DHX36: variants seen among roughly 807,000 people sequenced by gnomAD.
DHX36 encodes the protein DEAH-box helicase 36, also known as ATP-dependent DNA/RNA helicase DHX36.
DHX36 carries 50 observed loss-of-function variants against 139.0 expected under a neutral mutation model. That is an observed-to-expected ratio of 0.36 (90% CI 0.29 to 0.46). The LOEUF (loss-of-function observed/expected upper bound fraction) is 0.46, where lower values mean the gene tolerates loss of function less well. Among genes scored for constraint, DHX36 ranks in the 20% least tolerant of loss-of-function variants. The pLI is 1.00. For synonymous variants in DHX36, 425 were observed against 401.9 expected, an observed-to-expected ratio of 1.06 and a Z score of -0.69; for missense variants, 1,024 against 1,211.3, an observed-to-expected ratio of 0.85 and a Z score of 2.29.
chr3:154,319,952 C>T (rs1713127917), intron 1 of DHX36, among the ~76,000 whole-genome samples: 1 of 152,180 alleles, frequency 6.6e-6, no homozygotes, highest in African/African-American at 2.4e-5. Context: ...AGCAAAACTA[C>T]TGGAAAATGT....
At chr3:154,293,252 T>C (rs1193378546) in intron 14 of DHX36, among the ~76,000 whole-genome samples, 1 of 152,172 alleles carries the variant, frequency 6.6e-6, no homozygotes, top group Non-Finnish European at 1.5e-5. Context: ...AAAATGCTAT[T>C]TCTGAGCTAA....
intron 20 of DHX36, 45 bp downstream of exon 20, chr3:154,283,143 C>G: frequency 1.4e-6 from 2 of 1,401,142 alleles, no homozygotes; most frequent in Non-Finnish European, 2.0e-6. Flanking sequence ...TATATATTCT[C>G]TAATCTAGCA....
At position 154,276,208 on chromosome 3, in the gene DHX36, T is replaced by C. The variant is rs1426624053; in HGVS notation, c.2990A>G (p.Asn997Ser). 18 of 1,613,106 alleles carry C rather than the reference T, an allele frequency of 1.1e-5. No homozygotes were observed. The highest frequency in any genetic ancestry group is 1.7e-4 in the Middle Eastern group (1 of 6,056). Residue 997 changes from asparagine to serine, a missense_variant, in exon 25 of 25, where the codon AAC (asparagine) becomes AGC (serine). Coordinates refer to ENST00000496811, the MANE Select transcript of DHX36 (RefSeq NM_020865.3). Reference sequence around the variant, plus strand: ...TCCATCCTGGAATCGTGGCGGAAAGTTCCTGGGAGTTGCCTTTTCCTGTGT... The same window carrying C: ...TCCATCCTGGAATCGTGGCGGAAAGCTCCTGGGAGTTGCCTTTTCCTGTGT... The part of the protein sequence containing the change: ...IKTQEKATPR[N>S]FPPRFQDGYY...
chr3:154,283,335 C>T, intron 19 of DHX36, 64 bp from the exon 20 acceptor site: 1 of 1,119,124 alleles, frequency 8.9e-7, no homozygotes, highest in South Asian at 1.4e-5. Flanking sequence ...TACTGGTTTC[C>T]CTCTTTACTT....
intron 9 of DHX36, among the ~76,000 whole-genome samples, chr3:154,302,633 A>C (rs1438210648): frequency 6.6e-6 from 1 of 152,216 alleles, no homozygotes; most frequent in African/African-American, 2.4e-5. Context: ...GTGAAAACAT[A>C]AATGATTGAG....
At chr3:154,310,936 T>C (rs192579810) in intron 4 of DHX36, among the ~76,000 whole-genome samples, 2 of 148,304 alleles carry the variant, frequency 1.3e-5, no homozygotes, top group Admixed American at 6.8e-5. Flanking sequence ...AGTTTTAAGT[T>C]TGAACACTGA....
intron 15 of DHX36, among the ~76,000 whole-genome samples, chr3:154,291,489 G>A (rs1380494680): frequency 6.6e-6 from 1 of 152,116 alleles, no homozygotes. Flanking sequence ...GTCTTTCTGG[G>A]TCCCTTATCA....
intron 19 of DHX36, among the ~76,000 whole-genome samples, chr3:154,284,020 A>G (rs1719420852): frequency 6.6e-6 from 1 of 152,206 alleles, no homozygotes; most frequent in South Asian, 2.1e-4. Context: ...AAAATAAACT[A>G]TTCACTTGTT....
intron 22 of DHX36, chr3:154,278,608 C>G (rs982058341): frequency 6.6e-6 from 1 of 151,970 alleles, no homozygotes; most frequent in African/African-American, 2.4e-5. Flanking sequence ...TCCTGGGTAG[C>G]TGGGATTACA....
intron 19 of DHX36, among the ~76,000 whole-genome samples, chr3:154,284,298 A>G (rs1406167471): frequency 6.6e-6 from 1 of 151,482 alleles, no homozygotes; most frequent in Admixed American, 6.6e-5. Flanking sequence ...CTCCTGCCTC[A>G]GCCTCCTGAG....
In DHX36 at chr3:154,309,865, AGTCTG is replaced by A. The variant is rs1226065358; in HGVS notation, c.643-47_643-43del. Reference sequence around the variant, plus strand: ...AATAAAGAATATCACATGTTGACTAAGTCTGAAAAAAGATATTAATCAAAATTCGA... The same window carrying A: ...AATAAAGAATATCACATGTTGACTAAAAAAAAGATATTAATCAAAATTCGA... On this transcript the variant is annotated intron_variant, in intron 4 of 24. Coordinates refer to ENST00000496811, the MANE Select transcript of DHX36 (RefSeq NM_020865.3). 2.1e-6 allele frequency: 3 copies of A among 1,414,084 alleles called. No individual in the cohort carries two copies. The Admixed American group carries it at 7.2e-5, about 34-fold the overall frequency. The allele number at this position is 1,414,084 out of a possible 1,614,324, so 87.6% of individuals were successfully genotyped here. A position where few individuals can be genotyped will look rare whatever the true frequency, so the allele number is the denominator to read the frequency against.
At position 154,286,499 on chromosome 3, in the gene DHX36, A is replaced by C. The variant is rs375501345; in HGVS notation, c.2032-1512T>G. On this transcript the variant is annotated intron_variant, in intron 17 of 24. Transcript: ENST00000496811. ...AAATATTTAAAAGCAGAATCCAAAAATACCACTAACCTAGAAGATTAGTGG... is the reference window on the plus strand; with the variant it reads ...AAATATTTAAAAGCAGAATCCAAAACTACCACTAACCTAGAAGATTAGTGG... 4.5e-4 allele frequency among the ~76,000 whole-genome samples: 68 copies of C among 151,372 alleles called. 7 individuals are homozygous for C. The East Asian group carries it at 5.1e-3, about 11-fold the overall frequency.
intron 1 of DHX36, among the ~76,000 whole-genome samples, chr3:154,319,990 C>A (rs1398107642): frequency 6.6e-6 from 1 of 152,162 alleles, no homozygotes; most frequent in African/African-American, 2.4e-5. Flanking sequence ...GTTTCACTTG[C>A]CACCCTACCG....
chr3:154,281,972 G>A (rs984482044), intron 20 of DHX36, among the ~76,000 whole-genome samples: 1 of 152,030 alleles, frequency 6.6e-6, no homozygotes, highest in Non-Finnish European at 1.5e-5. Context: ...CACCGTCAAT[G>A]GGCTTTTCAA....
At chr3:154,278,033 AT>A (rs2108329673) in intron 22 of DHX36, 1 of 201,716 alleles carries the variant, frequency 5.0e-6, no homozygotes, top group African/African-American at 2.3e-5. Context: ...CTTTTCCTTA[AT>A]GTTAATGCAC....
In DHX36 at chr3:154,324,346, C is replaced by G; in HGVS notation, c.71G>C (p.Gly24Ala). The G allele has an allele frequency of 6.2e-7, 1 of 1,603,956 alleles. No homozygotes were observed. The highest frequency in any genetic ancestry group is 1.1e-5 in the South Asian group (1 of 89,708). ...ACCTCCATGACCCCCTGCTGGCCCC[C>G]CTCCATAGCCCCCACCGGAGCTGCG... is the stretch of plus-strand genomic sequence containing the variant. ...GPRSSGGGYG[G>A]GPAGGHGGNR... Residue 24 changes from glycine (G) to alanine (A), a missense_variant, in exon 1 of 25, where the codon GGG becomes GCG. This residue lies in a region of DHX36 where 293 missense variants were observed against 274.4 expected (regional missense o/e 1.07). Transcript: ENST00000496811.
intron 12 of DHX36, among the ~76,000 whole-genome samples, chr3:154,297,651 AG>A (rs1712094911): frequency 6.6e-6 from 1 of 151,756 alleles, no homozygotes; most frequent in Non-Finnish European, 1.5e-5. Context: ...CGGAGGTTGC[AG>A]TGAGCTGAGA....
At chr3:154,292,425 T>A in intron 15 of DHX36, 126 bp downstream of exon 15, 2 of 1,309,406 alleles carry the variant, frequency 1.5e-6, no homozygotes, top group Non-Finnish European at 2.1e-6. Flanking sequence ...TAAAAATGTT[T>A]TGCAATAAGC....
chr3:154,308,237 G>A (rs543516680), intron 5 of DHX36, among the ~76,000 whole-genome samples: 64 of 152,236 alleles, frequency 4.2e-4, no homozygotes, highest in Non-Finnish European at 6.2e-4. Context: ...TTAAAAAGGG[G>A]TGAAGTCTAC....
Sources: gnomAD v4.1 joint callset for allele counts (sites outside exome capture counted in the v4.1 genomes callset) on GRCh38, gnomAD v4.1.1 for gene constraint, gnomAD v4.1.1 regional missense constraint, MANE v1.5 for transcripts, NCBI Gene and HGNC (gene_info 2026-07-23, HGNC 2026-07-21) for gene names.